TSKS: variants seen among roughly 807,000 people sequenced by gnomAD.
The protein encoded by TSKS is testis specific serine kinase substrate.
Under a neutral mutation model 68.0 loss-of-function variants are expected in TSKS, and 27 were observed. The ratio of observed to expected loss-of-function variants is 0.40; its 90% CI spans 0.29 to 0.55. TSKS has a LOEUF of 0.55. Among genes scored for constraint, TSKS ranks in the 20% least tolerant of loss-of-function variants. The probability of loss-of-function intolerance (pLI) is 0.53; values close to 1 mark genes in which losing one functional copy is unlikely to be tolerated. For missense variants in TSKS, 806 were observed against 776.0 expected (o/e 1.04, Z -0.46); for synonymous variants, 331 against 340.4 (o/e 0.97, Z 0.30).
intron 2 of TSKS, 139 bp from the exon 3 acceptor site, chr19:49,748,608 T>C (rs2084323093): frequency 1.4e-6 from 1 of 724,326 alleles, no homozygotes; most frequent in Non-Finnish European, 2.3e-6. Context: ...AGCCAAGGGC[T>C]ATACCTCTGA....
At chr19:49,747,520 G>C (rs748321341) in intron 4 of TSKS, 48 bp from the exon 5 acceptor site, 1 of 1,590,318 alleles carries the variant, frequency 6.3e-7, no homozygotes, top group Non-Finnish European at 8.6e-7. Flanking sequence ...TTCCAGTTCT[G>C]CCTCCCAACC....
At chr19:49,740,244 A>C in intron 9 of TSKS, 61 bp from the exon 10 acceptor site, 1 of 1,561,700 alleles carries the variant, frequency 6.4e-7, no homozygotes, top group Non-Finnish European at 8.6e-7. Flanking sequence ...TGGAGGGGGA[A>C]CTGGATTGCG....
intron 2 of TSKS, among the ~76,000 whole-genome samples, chr19:49,759,532 G>T (rs2084422690): frequency 6.6e-6 from 1 of 151,544 alleles, no homozygotes; most frequent in Admixed American, 6.6e-5. Flanking sequence ...CTACTCGGGA[G>T]GCTGAGGTGG....
In TSKS at chr19:49,761,295, G is replaced by C. The variant is rs1006443211; in HGVS notation, c.399+709C>G. Among the ~76,000 whole-genome samples the C allele has an allele frequency of 6.6e-5, 10 of 152,204 alleles. No individual in the cohort carries two copies. In the South Asian group the frequency reaches 8.3e-4, roughly 13 times the overall value. On this transcript the variant is annotated intron_variant, in intron 2 of 10. Coordinates refer to ENST00000246801, the MANE Select transcript of TSKS (RefSeq NM_021733.2). ...GGCCTGGCCCAGGGGAAGCCAGGTG[G>C]GGGGTGAGGATCAGAGGTGCAGTGA...
At chr19:49,752,261 G>A (rs1362804464) in intron 2 of TSKS, among the ~76,000 whole-genome samples, 1 of 151,944 alleles carries the variant, frequency 6.6e-6, no homozygotes. Context: ...ATGCATGCCT[G>A]TAGTCCCAGC....
At chr19:49,753,165 C>T (rs2084364518) in intron 2 of TSKS, among the ~76,000 whole-genome samples, 1 of 152,308 alleles carries the variant, frequency 6.6e-6, no homozygotes, top group East Asian at 1.9e-4. Flanking sequence ...GTAGCTCACA[C>T]CTGTAATTCC....
At position 49,761,998 on chromosome 19, in the gene TSKS, C is replaced by T. The variant is rs748804378; in HGVS notation, c.399+6G>A. 6.2e-6 allele frequency: 10 copies of T among 1,609,334 alleles called. No homozygotes were observed. Among genetic ancestry groups the T allele is most frequent in the African/African-American group, 4.0e-5 (3 of 74,834 alleles). Reference sequence around the variant, plus strand: ...CTCCCCAGCGGGTGGTGTGGAGGGCCCTCACCAGGATTTCCGTGATGTCTG... The same window carrying T: ...CTCCCCAGCGGGTGGTGTGGAGGGCTCTCACCAGGATTTCCGTGATGTCTG... On this transcript the variant is annotated splice_donor_region_variant and intron_variant, in intron 2 of 10. Transcript: ENST00000246801.
intron 2 of TSKS, among the ~76,000 whole-genome samples, chr19:49,756,746 G>C (rs2084395537): frequency 6.6e-6 from 1 of 152,140 alleles, no homozygotes; most frequent in Non-Finnish European, 1.5e-5. Context: ...AGCTGGACTT[G>C]GTGACTCACA....
chr19:49,752,444 A>G (rs1016896149), intron 2 of TSKS, among the ~76,000 whole-genome samples: 1 of 151,730 alleles, frequency 6.6e-6, no homozygotes, highest in Non-Finnish European at 1.5e-5. Flanking sequence ...GCCAGGTGAT[A>G]TGCTGGCTCC....
In TSKS at chr19:49,745,188, G is replaced by T. The variant is rs759380317; in HGVS notation, c.1187+14C>A. ...CCCCTTCCGGTCTTCCCATGCACTG[G>T]CCCCAATCCTCACATGGTGCACAGC... On this transcript the variant is annotated intron_variant, in intron 7 of 10. Transcript: ENST00000246801. 40 of 1,564,948 alleles carry T rather than the reference G, an allele frequency of 2.6e-5. No individual in the cohort carries two copies. The highest frequency in any genetic ancestry group is 3.0e-5 in the Non-Finnish European group (34 of 1,150,174).
chr19:49,747,108 G>A lies in TSKS; in HGVS notation c.663+281C>T, dbSNP rs903799543. On this transcript the variant is annotated intron_variant, in intron 5 of 10. Coordinates refer to ENST00000246801, the MANE Select transcript of TSKS (RefSeq NM_021733.2). ...CTGAAGCTTTCTCAGCATTTTGTTG[G>A]AAAATGAGTGGGCATGTGGACAGGA... 1.6e-5 allele frequency: 24 copies of A among 1,501,624 alleles called. No homozygotes were observed. In the African/African-American group the frequency reaches 3.2e-4, roughly 20 times the overall value. 93.0% of individuals were successfully genotyped at this position (1,501,624 alleles called of 1,614,324 possible). A position where few individuals can be genotyped will look rare whatever the true frequency, so the allele number is the denominator to read the frequency against.
Position 49,746,939 on chromosome 19 carries a change from T to A in TSKS, c.664-141A>T, listed in dbSNP as rs2084307651. 5 of 1,441,282 alleles carry A rather than the reference T, an allele frequency of 3.5e-6. No homozygotes were observed. The South Asian group carries it at 6.8e-5, about 20-fold the overall frequency. The allele number at this position is 1,441,282 out of a possible 1,614,324, so 89.3% of individuals were successfully genotyped here. A position where few individuals can be genotyped will look rare whatever the true frequency, so the allele number is the denominator to read the frequency against. On this transcript the variant is annotated intron_variant, in intron 5 of 10. Coordinates refer to ENST00000246801, the MANE Select transcript of TSKS (RefSeq NM_021733.2). Reference sequence around the variant, plus strand: ...ACAGTATGTTGGAAGTCTCACTGGCTGTCATTAGGGAGGGGAGGCACCATT... The same window carrying A: ...ACAGTATGTTGGAAGTCTCACTGGCAGTCATTAGGGAGGGGAGGCACCATT...
rs1006017347 is a variant in TSKS, at chr19:49,745,191, C to T, written c.1187+11G>A. The T allele has an allele frequency of 3.8e-6, 6 of 1,570,602 alleles. No homozygotes were observed. In the African/African-American group the frequency reaches 4.0e-5, roughly 11 times the overall value. On this transcript the variant is annotated intron_variant, in intron 7 of 10. Transcript: ENST00000246801. ...CTTCCGGTCTTCCCATGCACTGGCC[C>T]CAATCCTCACATGGTGCACAGCTCA...
intron 2 of TSKS, among the ~76,000 whole-genome samples, chr19:49,758,756 C>T (rs2084414512): frequency 6.6e-6 from 1 of 152,262 alleles, no homozygotes; most frequent in South Asian, 2.1e-4. Flanking sequence ...AGCCCTTTTG[C>T]ATTAGTGACA....
rs547127466 is a variant in TSKS at position 49,745,027 on chromosome 19, T to C, written c.1187+175A>G. ...CTAATTGATTCCACCCCTCAGGCCT[T>C]ATTAGGGCTGATGCAACCCTTCCTG... On this transcript the variant is annotated intron_variant, in intron 7 of 10. Coordinates refer to ENST00000246801, the MANE Select transcript of TSKS (RefSeq NM_021733.2). Among the ~76,000 whole-genome samples the C allele has an allele frequency of 2.0e-5, 3 of 152,160 alleles. No individual in the cohort carries two copies. In the East Asian group the frequency reaches 5.8e-4, roughly 29 times the overall value.
chr19:49,749,660 C>T (rs1333077888), intron 2 of TSKS, among the ~76,000 whole-genome samples: 1 of 152,034 alleles, frequency 6.6e-6, no homozygotes, highest in African/African-American at 2.4e-5. Flanking sequence ...CTCATTATTA[C>T]CCTGGCTGGT....
At chr19:49,745,957 G>T (rs1273759472) in intron 6 of TSKS, among the ~76,000 whole-genome samples, 2 of 152,172 alleles carry the variant, frequency 1.3e-5, no homozygotes, top group East Asian at 3.9e-4. Context: ...GCCGAGGCGG[G>T]CGGATCACGA....
In TSKS at chr19:49,762,013, C is replaced by T. The variant is rs574376117; in HGVS notation, c.390G>A (p.Thr130=). 54 of 1,612,820 alleles carry T rather than the reference C, an allele frequency of 3.3e-5. No individual in the cohort carries two copies. Among genetic ancestry groups the T allele is most frequent in the African/African-American group, 1.7e-4 (13 of 75,022 alleles). The change falls in exon 2 of 11, where the codon ACG becomes ACA. Residue 130 remains threonine, a synonymous_variant. Coordinates refer to ENST00000246801, the MANE Select transcript of TSKS (RefSeq NM_021733.2). ...TGTGGAGGGCCCTCACCAGGATTTCCGTGATGTCTGCGTCATCCGGATCCC... is the reference window on the plus strand; with the variant it reads ...TGTGGAGGGCCCTCACCAGGATTTCTGTGATGTCTGCGTCATCCGGATCCC... ...LPWDPDDADI[T]EILSGVNSGL...
intron 2 of TSKS, among the ~76,000 whole-genome samples, chr19:49,749,955 C>T (rs2084335424): frequency 6.6e-6 from 1 of 151,618 alleles, no homozygotes; most frequent in Non-Finnish European, 1.5e-5. Flanking sequence ...TAGCCTACAT[C>T]ATTACTTAGA....
Sources: allele counts gnomAD v4.1 joint callset (sites outside exome capture counted in the v4.1 genomes callset), GRCh38; gene constraint gnomAD v4.1.1; transcripts MANE v1.5; gene names NCBI Gene and HGNC (gene_info 2026-07-23, HGNC 2026-07-21).